ADAMTSL2: variants seen among roughly 807,000 people sequenced by gnomAD.
ADAMTSL2 encodes ADAMTS-like protein 2.
ADAMTSL2 carries 55 observed loss-of-function variants against 117.0 expected under a neutral mutation model. That is an observed-to-expected ratio of 0.47 (90% CI 0.38 to 0.59). The LOEUF (loss-of-function observed/expected upper bound fraction) is 0.59. Among genes scored for constraint, ADAMTSL2 ranks in the 20% least tolerant of loss-of-function variants. The probability of loss-of-function intolerance (pLI) is 0.00; values close to 1 mark genes in which losing one functional copy is unlikely to be tolerated. For synonymous variants in ADAMTSL2, 572 were observed against 566.4 expected (o/e 1.01, Z -0.14); for missense variants, 1,182 against 1,354.5 (o/e 0.87, Z 2.00).
Position 133,566,298 on chromosome 9 carries a change from G to A in ADAMTSL2, c.1748-638G>A, listed in dbSNP as rs1001510373. On this transcript the variant is annotated intron_variant, in intron 12 of 18. Coordinates refer to ENST00000651351, the MANE Select transcript of ADAMTSL2 (RefSeq NM_014694.4). Reference sequence around the variant, plus strand: ...TTCCATAAAAATACAAAAATTAGCCGGGTGTGGTGGCACATGCCTGTAATC... The same window carrying A: ...TTCCATAAAAATACAAAAATTAGCCAGGTGTGGTGGCACATGCCTGTAATC... Among the ~76,000 whole-genome samples the A allele has an allele frequency of 1.3e-4, 20 of 152,310 alleles. No homozygotes were observed. In the South Asian group the frequency reaches 1.7e-3, roughly 13 times the overall value.
intron 11 of ADAMTSL2, 25 bp downstream of exon 11, chr9:133,555,955 G>C: frequency 6.2e-7 from 1 of 1,606,104 alleles, no homozygotes; most frequent in Non-Finnish European, 8.5e-7. Context: ...CCTGAGCCCT[G>C]TCCAGGGCCC....
chr9:133,560,517 A>C (rs1273482384), intron 11 of ADAMTSL2, among the ~76,000 whole-genome samples: 3 of 152,256 alleles, frequency 2.0e-5, no homozygotes, highest in African/African-American at 7.2e-5. Flanking sequence ...TCAAAGAAGC[A>C]AACAGTCCTA....
intron 9 of ADAMTSL2, among the ~76,000 whole-genome samples, chr9:133,553,672 T>C (rs1830539365): frequency 6.6e-6 from 1 of 152,178 alleles, no homozygotes. Context: ...CCCGTGACCC[T>C]CTCCGACATC....
intron 16 of ADAMTSL2, among the ~76,000 whole-genome samples, chr9:133,570,041 C>T (rs1230048058): frequency 2.0e-5 from 3 of 152,244 alleles, no homozygotes; most frequent in African/African-American, 4.8e-5. Flanking sequence ...CGGATAATCT[C>T]GAGCCAAATT....
At chr9:133,570,934 C>T (rs1352549338) in intron 17 of ADAMTSL2, among the ~76,000 whole-genome samples, 1 of 152,152 alleles carries the variant, frequency 6.6e-6, no homozygotes, top group Non-Finnish European at 1.5e-5. Context: ...TTTAGGGAGA[C>T]AGTAATAGAC....
intron 1 of ADAMTSL2, among the ~76,000 whole-genome samples, chr9:133,536,222 C>T (rs979821950): frequency 7.2e-5 from 11 of 152,222 alleles, no homozygotes; most frequent in Non-Finnish European, 1.5e-4. Context: ...CATTCTCCTG[C>T]GAGGCCAGCA....
At chr9:133,553,897 G>T (rs1386932622) in intron 9 of ADAMTSL2, among the ~76,000 whole-genome samples, 2 of 152,230 alleles carry the variant, frequency 1.3e-5, no homozygotes, top group African/African-American at 4.8e-5. Context: ...GCAGAGCCTG[G>T]GTCTTTGTAC....
chr9:133,544,345 G>T (rs1830298055), intron 7 of ADAMTSL2, 125 bp from the exon 8 acceptor site: 1 of 831,762 alleles, frequency 1.2e-6, no homozygotes, highest in Non-Finnish European at 2.1e-6. Flanking sequence ...ACACAAGCGG[G>T]TGTGGGGGTT....
chr9:133,573,913 G>A lies in ADAMTSL2; in HGVS notation c.2663G>A (p.Arg888His), dbSNP rs978993413. Reference sequence around the variant, plus strand: ...TGCTACCAGGGGACCGACATCGTCCGTGGTTGCGATCCGTTGGTGAAGCCC... The same window carrying A: ...TGCTACCAGGGGACCGACATCGTCCATGGTTGCGATCCGTTGGTGAAGCCC... ...VKCYQGTDIV[R>H]GCDPLVKPVG... The change falls in exon 18 of 19, where the codon CGT (arginine) becomes CAT (histidine). Residue 888 changes from arginine to histidine, a missense_variant. Arg to His is a conservative substitution (Grantham distance 29). This residue lies in a region of ADAMTSL2 where 465 missense variants were observed against 565.3 expected (regional missense o/e 0.82). Coordinates refer to ENST00000651351, the MANE Select transcript of ADAMTSL2 (RefSeq NM_014694.4). The A allele has an allele frequency of 2.5e-6, 4 of 1,614,012 alleles. No homozygotes were observed. In the African/African-American group the frequency reaches 4.0e-5, roughly 16 times the overall value.
At chr9:133,565,075 C>T (rs1830933474) in intron 12 of ADAMTSL2, among the ~76,000 whole-genome samples, 10 of 152,128 alleles carry the variant, frequency 6.6e-5, no homozygotes, top group Non-Finnish European at 2.9e-5. Context: ...TTTCTGCTGC[C>T]CTTCGGCGCT....
intron 12 of ADAMTSL2, among the ~76,000 whole-genome samples, chr9:133,563,324 A>G (rs1830791522): frequency 2.0e-5 from 3 of 152,218 alleles, no homozygotes; most frequent in South Asian, 4.1e-4. Context: ...GGAGCTGAGC[A>G]TGGTGGTGGG....
intron 8 of ADAMTSL2, among the ~76,000 whole-genome samples, chr9:133,546,245 G>A (rs933237847): frequency 2.6e-5 from 4 of 152,180 alleles, no homozygotes; most frequent in African/African-American, 4.8e-5. Context: ...GTGGTGGGGA[G>A]TGGGGGCTGC....
rs372609593 is a variant in ADAMTSL2, at chr9:133,545,811, G to A, written c.764-1227G>A. 9.9e-5 allele frequency among the ~76,000 whole-genome samples: 15 copies of A among 152,250 alleles called. No homozygotes were observed. In the East Asian group the frequency reaches 1.7e-3, roughly 18 times the overall value. On this transcript the variant is annotated intron_variant, in intron 8 of 18. Coordinates refer to ENST00000651351, the MANE Select transcript of ADAMTSL2 (RefSeq NM_014694.4). ...GAAACAGGTTTTGGACGAGAGCCTC[G>A]GATTTAACCCTGTGCATATACCTGG...
In ADAMTSL2 at chr9:133,567,186, C is replaced by T. The variant is rs1255092454; in HGVS notation, c.1874+124C>T. On this transcript the variant is annotated intron_variant, in intron 13 of 18. Transcript: ENST00000651351. The stretch of plus-strand genomic sequence containing the variant: ...CTTCGTGTGCAGGGCCGTGGGGGCT[C>T]TTCGAGGAGGGGCATACAGACCTCA... 9 of 1,286,710 alleles carry T rather than the reference C, an allele frequency of 7.0e-6. No individual in the cohort carries two copies. The Admixed American group carries it at 1.2e-4, about 18-fold the overall frequency. 79.7% of individuals were successfully genotyped at this position (1,286,710 alleles called of 1,614,324 possible). A position where few individuals can be genotyped will look rare whatever the true frequency, so the allele number is the denominator to read the frequency against.
chr9:133,563,608 C>A (rs895990888), intron 12 of ADAMTSL2, among the ~76,000 whole-genome samples: 3 of 152,196 alleles, frequency 2.0e-5, no homozygotes, highest in Non-Finnish European at 4.4e-5. Flanking sequence ...CCAGGGAGGA[C>A]ACAGCACTGT....
At chr9:133,532,898 G>A (rs981115710), upstream of ADAMTSL2, among the ~76,000 whole-genome samples, 4 of 152,210 alleles carry the variant, frequency 2.6e-5, no homozygotes, top group African/African-American at 9.6e-5. Flanking sequence ...CTCCCAGGTG[G>A]CCAGCCTGCA....
chr9:133,540,144 T>C (rs1011660889), intron 5 of ADAMTSL2, among the ~76,000 whole-genome samples: 2 of 152,168 alleles, frequency 1.3e-5, no homozygotes, highest in Admixed American at 6.5e-5. Context: ...CTCACTTACT[T>C]ACTGGCTCCT....
chr9:133,569,511 C>G lies in ADAMTSL2; in HGVS notation c.2348C>G (p.Pro783Arg). 1.2e-6 allele frequency: 2 copies of G among 1,611,078 alleles called. No homozygotes were observed. The highest frequency in any genetic ancestry group is 1.1e-5 in the South Asian group (1 of 90,338). The change falls in exon 16 of 19, where the codon CCT becomes CGT. Residue 783 changes from proline to arginine, a missense_variant. Around this residue, in one of 3 missense-constraint regions of ADAMTSL2, gnomAD observed 465 missense variants for 565.3 expected, o/e 0.82. Coordinates refer to ENST00000651351, the MANE Select transcript of ADAMTSL2 (RefSeq NM_014694.4). ...TCCCAGTGCCAGATGGAGACCAAGC[C>G]TCTGGCCATCCACCCCTGTGGGGAC... ...PESQCQMETK[P>R]LAIHPCGDKN...
At chr9:133,562,373 T>C (rs1250665138) in intron 12 of ADAMTSL2, among the ~76,000 whole-genome samples, 1 of 152,244 alleles carries the variant, frequency 6.6e-6, no homozygotes, top group Non-Finnish European at 1.5e-5. Context: ...GGGCATGCTG[T>C]GTTCGCCCCT....
Sources: allele counts gnomAD v4.1 joint callset (sites outside exome capture counted in the v4.1 genomes callset), GRCh38; gene constraint gnomAD v4.1.1; regional missense constraint gnomAD v4.1.1; transcripts MANE v1.5; gene names NCBI Gene and HGNC (gene_info 2026-07-23, HGNC 2026-07-21).